The following FCRL5 variants were observed in gnomAD, a reference collection of about 807,000 sequenced individuals.
FCRL5 encodes Fc receptor like 5, also known as Fc receptor-like protein 5.
In FCRL5, 79 loss-of-function variants were observed where a neutral mutation model predicts 92.1. The ratio of observed to expected loss-of-function variants is 0.86; its 90% CI spans 0.72 to 1.03. The LOEUF (loss-of-function observed/expected upper bound fraction) is 1.03, where lower values mean the gene tolerates loss of function less well. FCRL5 is among the 50% of genes least tolerant of loss of function. The probability of loss-of-function intolerance (pLI) is 0.00; values close to 1 mark genes in which losing one functional copy is unlikely to be tolerated. For missense variants in FCRL5, 1,160 were observed against 1,181.1 expected, an observed-to-expected ratio of 0.98 and a Z score of 0.26; for synonymous variants, 466 against 469.3, an observed-to-expected ratio of 0.99 and a Z score of 0.09.
intron 9 of FCRL5, among the ~76,000 whole-genome samples, chr1:157,525,827 A>G (rs944091244): frequency 1.3e-5 from 2 of 152,230 alleles, no homozygotes; most frequent in African/African-American, 2.4e-5. Context: ...TGTGTTTCAC[A>G]GAGGTAGGAA....
intron 13 of FCRL5, chr1:157,519,006 C>G (rs1476212395): frequency 4.9e-6 from 2 of 411,350 alleles, no homozygotes; most frequent in African/African-American, 4.1e-5. Flanking sequence ...GGTGCTGATG[C>G]TTACAGCAAT....
At chr1:157,546,167 G>A in intron 3 of FCRL5, 1 of 380,902 alleles carries the variant, frequency 2.6e-6, no homozygotes, top group Non-Finnish European at 5.1e-6. Flanking sequence ...ATACATAGAG[G>A]CCGGGTGCAG....
Position 157,546,852 on chromosome 1 carries a change from T to C in FCRL5, c.307+91A>G, listed in dbSNP as rs1651561109. Reference sequence around the variant, plus strand: ...AGTGTGAAATAAAATTGTCCACTCATGAAGGGTCTGAGGTAAACAGTAATA... The same window carrying C: ...AGTGTGAAATAAAATTGTCCACTCACGAAGGGTCTGAGGTAAACAGTAATA... On this transcript the variant is annotated intron_variant, in intron 3 of 16. Coordinates refer to ENST00000361835, the MANE Select transcript of FCRL5 (RefSeq NM_031281.3). 4.1e-6 allele frequency: 6 copies of C among 1,471,814 alleles called. No homozygotes were observed. In the South Asian group the frequency reaches 6.8e-5, roughly 17 times the overall value. The allele number at this position is 1,471,814 out of a possible 1,614,324, so 91.2% of individuals were successfully genotyped here.
chr1:157,539,205 G>C lies in FCRL5; in HGVS notation c.1283C>G (p.Ser428Cys), dbSNP rs756044081. Residue 428 changes from serine (S) to cysteine (C), a missense_variant, in exon 7 of 17, where the codon TCT becomes TGT. Ser to Cys is a moderately radical substitution (Grantham distance 112, BLOSUM62 -1). Coordinates refer to ENST00000361835, the MANE Select transcript of FCRL5 (RefSeq NM_031281.3). ...GAALERRSAN[S>C]AGGVAISFSL... ...GAAGCTGATGGCCACTCCTCCTGCA[G>C]AGTTGGCCGACCTACGCTCCAGGGC... The C allele has an allele frequency of 1.2e-6, 2 of 1,614,196 alleles. No homozygotes were observed.
chr1:157,520,467 C>T lies in FCRL5; in HGVS notation c.2596G>A (p.Ala866Thr). The change falls in exon 12 of 17, where the codon GCA (alanine) becomes ACA (threonine). Residue 866 changes from alanine (A) to threonine (T), a missense_variant. Ala to Thr is a moderately conservative substitution (Grantham distance 58). Coordinates refer to ENST00000361835, the MANE Select transcript of FCRL5 (RefSeq NM_031281.3). Reference sequence around the variant, plus strand: ...GAGAGCCAGCAGTAGAGCAGCAGTGCCCCCGCAGCAAGGCCTGCTATGCTG... The same window carrying T: ...GAGAGCCAGCAGTAGAGCAGCAGTGTCCCCGCAGCAAGGCCTGCTATGCTG... ...LLSIAGLAAG[A>T]LLLYCWLSRK... is the part of the protein sequence containing the mutation. The T allele has an allele frequency of 6.4e-7, 1 of 1,573,746 alleles. No individual in the cohort carries two copies. Among genetic ancestry groups the T allele is most frequent in the Non-Finnish European group, 8.6e-7 (1 of 1,159,022 alleles).
intron 11 of FCRL5, 24 bp from the exon 12 acceptor site, chr1:157,520,571 A>T (rs1190930615): frequency 6.4e-7 from 1 of 1,557,046 alleles, no homozygotes; most frequent in East Asian, 2.3e-5. Context: ...CCTGTGTGTG[A>T]GCCAGAGGAG....
At chr1:157,547,365 A>T in intron 2 of FCRL5, 168 bp from the exon 3 acceptor site, 1 of 885,864 alleles carries the variant, frequency 1.1e-6, no homozygotes, top group South Asian at 1.3e-5. Context: ...CCCTCACCTC[A>T]CCCAAGGGAG....
Position 157,520,467 on chromosome 1 carries a change from C to A in FCRL5, c.2596G>T (p.Ala866Ser). The A allele has an allele frequency of 6.4e-7, 1 of 1,573,744 alleles. No homozygotes were observed. The highest frequency in any genetic ancestry group is 8.6e-7 in the Non-Finnish European group (1 of 1,159,022). The change falls in exon 12 of 17, where the codon GCA (alanine) becomes TCA (serine). Residue 866 changes from alanine (A) to serine (S), a missense_variant. Transcript: ENST00000361835. ...GAGAGCCAGCAGTAGAGCAGCAGTG[C>A]CCCCGCAGCAAGGCCTGCTATGCTG... Reference protein sequence around the residue: ...LLSIAGLAAGALLLYCWLSRK... With the variant: ...LLSIAGLAAGSLLLYCWLSRK...
At chr1:157,548,398 C>T (rs964830798) in intron 2 of FCRL5, among the ~76,000 whole-genome samples, 12 of 152,098 alleles carry the variant, frequency 7.9e-5, no homozygotes, top group African/African-American at 2.7e-4. Flanking sequence ...TCTAAAACAC[C>T]AAAAGCAATG....
At chr1:157,542,568 C>A in intron 6 of FCRL5, 1 of 388,734 alleles carries the variant, frequency 2.6e-6, no homozygotes, top group East Asian at 4.1e-5. Flanking sequence ...ATCTGGGGAG[C>A]CACAGGACAA....
At chr1:157,534,198 T>A (rs1650827270) in intron 8 of FCRL5, 1 of 481,454 alleles carries the variant, frequency 2.1e-6, no homozygotes, top group Non-Finnish European at 3.9e-6. Context: ...CCAGCAGCTT[T>A]CTCCAAATCT....
intron 10 of FCRL5, among the ~76,000 whole-genome samples, chr1:157,523,533 C>T (rs1443610975): frequency 6.6e-6 from 1 of 152,212 alleles, no homozygotes; most frequent in East Asian, 1.9e-4. Flanking sequence ...CCTTAGCATA[C>T]TTTTGCTAAA....
At chr1:157,547,529 A>G (rs772545165) in intron 2 of FCRL5, 38 of 401,096 alleles carry the variant, frequency 9.5e-5, no homozygotes, top group Non-Finnish European at 6.5e-5. Context: ...TCATACACTC[A>G]TAAGAAACTC....
Position 157,518,793 on chromosome 1 carries a change from G to C in FCRL5, c.2661-11C>G. 1.9e-6 allele frequency: 3 copies of C among 1,602,218 alleles called. No individual in the cohort carries two copies. The highest frequency in any genetic ancestry group is 2.6e-6 in the Non-Finnish European group (3 of 1,172,070). On this transcript the variant is annotated splice_polypyrimidine_tract_variant and intron_variant, in intron 13 of 16. Transcript: ENST00000361835. ...GAGTCTGAAGGGCTCCTGTGAGACA[G>C]AGAAATGTGAATGTTTCTTAGGAAT...
intron 8 of FCRL5, 30 bp downstream of exon 8, chr1:157,534,584 G>A (rs752186597): frequency 6.2e-7 from 1 of 1,613,740 alleles, no homozygotes. Flanking sequence ...TCAGCCAGGG[G>A]TGGGTGACTG....
At chr1:157,532,617 T>C (rs1238964847) in intron 8 of FCRL5, 1 of 152,214 alleles carries the variant, frequency 6.6e-6, no homozygotes, top group Non-Finnish European at 1.5e-5. Context: ...TCACAGTTGA[T>C]TAGCCTTTGT....
intron 6 of FCRL5, among the ~76,000 whole-genome samples, chr1:157,541,518 C>A (rs1471774225): frequency 1.3e-5 from 2 of 152,242 alleles, no homozygotes; most frequent in Non-Finnish European, 2.9e-5. Flanking sequence ...GAACCGACTG[C>A]CCCTCCAGTT....
At chr1:157,544,685 C>T (rs1450448316) in intron 4 of FCRL5, 139 bp from the exon 5 acceptor site, 24 of 1,414,276 alleles carry the variant, frequency 1.7e-5, no homozygotes, top group Non-Finnish European at 2.1e-5. Context: ...CAGCCCAAAA[C>T]ACTACTATAC....
At chr1:157,549,327 C>G (rs1278570179) in intron 2 of FCRL5, among the ~76,000 whole-genome samples, 1 of 151,432 alleles carries the variant, frequency 6.6e-6, no homozygotes, top group African/African-American at 2.4e-5. Context: ...GGAGATATAC[C>G]TAATGTTAAA....
Sources: gnomAD v4.1 joint callset for allele counts (sites outside exome capture counted in the v4.1 genomes callset) on GRCh38, gnomAD v4.1.1 for gene constraint, MANE v1.5 for transcripts, NCBI Gene and HGNC (gene_info 2026-07-23, HGNC 2026-07-21) for gene names.